Variants in FANCI observed in about 807,000 individuals in gnomAD.
FANCI encodes the protein FA complementation group I, also known as Fanconi anemia group I protein.
Under a neutral mutation model 176.1 loss-of-function variants are expected in FANCI, and 156 were observed. The observed-to-expected ratio is 0.89, with a 90% CI of 0.78 to 1.01. FANCI has a LOEUF of 1.01. Among genes scored for constraint, FANCI ranks in the 50% least tolerant of loss-of-function variants. FANCI has a pLI of 0.00. For missense variants in FANCI, 1,678 were observed against 1,534.1 expected, an observed-to-expected ratio of 1.09 and a Z score of -1.57; for synonymous variants, 613 against 541.7, an observed-to-expected ratio of 1.13 and a Z score of -1.83.
At chr15:89,277,239 A>G (rs544452918) in intron 13 of FANCI, among the ~76,000 whole-genome samples, 17 of 152,260 alleles carry the variant, frequency 1.1e-4, no homozygotes, top group African/African-American at 4.1e-4. Flanking sequence ...TCCTTTACAC[A>G]GAAGAAATTT....
chr15:89,303,776 A>T, intron 27 of FANCI, 88 bp from the exon 28 acceptor site: 1 of 1,154,938 alleles, frequency 8.7e-7, no homozygotes, highest in Non-Finnish European at 1.3e-6. Context: ...TTGCTTAGAT[A>T]TGGAAAGGTC....
rs1386513042 is a variant in FANCI, at chr15:89,285,234, G to A, written c.1821+16G>A. 1 of 1,613,858 alleles carries A rather than the reference G, an allele frequency of 6.2e-7. No individual in the cohort carries two copies. On this transcript the variant is annotated intron_variant, in intron 18 of 37. Coordinates refer to ENST00000310775, the MANE Select transcript of FANCI (RefSeq NM_001113378.2). ...GCTTTATGAGGTAAGTCCGTAGAATGGAAAGAATGTAGCAAAACCCCAACT... is the reference window on the plus strand; with the variant it reads ...GCTTTATGAGGTAAGTCCGTAGAATAGAAAGAATGTAGCAAAACCCCAACT...
chr15:89,314,844 C>T (rs375712650), intron 36 of FANCI, 137 bp downstream of exon 36: 3 of 555,600 alleles, frequency 5.4e-6, no homozygotes, highest in South Asian at 4.1e-5. Context: ...TCTCCCCCCC[C>T]CCCCCTTTTT....
Position 89,264,672 on chromosome 15 carries a change from G to A in FANCI, c.755+65G>A, listed in dbSNP as rs925077720. The A allele has an allele frequency of 3.4e-6, 5 of 1,466,940 alleles. No homozygotes were observed. In the African/African-American group the frequency reaches 7.0e-5, roughly 21 times the overall value. 90.9% of individuals were successfully genotyped at this position (1,466,940 alleles called of 1,614,324 possible). A position where few individuals can be genotyped will look rare whatever the true frequency, so the allele number is the denominator to read the frequency against. ...ATTCATCTTCTCATTGTGTATTTTAGCTATTTCATTTTCTTCTCTCTCACC... is the reference window on the plus strand; with the variant it reads ...ATTCATCTTCTCATTGTGTATTTTAACTATTTCATTTTCTTCTCTCTCACC... On this transcript the variant is annotated intron_variant, in intron 9 of 37. Coordinates refer to ENST00000310775, the MANE Select transcript of FANCI (RefSeq NM_001113378.2).
intron 12 of FANCI, among the ~76,000 whole-genome samples, chr15:89,275,068 G>A (rs895155236): frequency 2.7e-5 from 4 of 149,794 alleles, no homozygotes; most frequent in Admixed American, 1.3e-4. Context: ...CCCTGTGCCT[G>A]GCTTGGCCTT....
intron 10 of FANCI, among the ~76,000 whole-genome samples, chr15:89,268,939 A>G (rs2053090139): frequency 1.3e-5 from 2 of 152,176 alleles, no homozygotes; most frequent in Admixed American, 1.3e-4. Flanking sequence ...CTAGTAGTAT[A>G]TCGTGGAGTT....
In FANCI at chr15:89,268,503, G is replaced by C; in HGVS notation, c.860G>C (p.Arg287Thr). 2 of 1,614,196 alleles carry C rather than the reference G, an allele frequency of 1.2e-6. No homozygotes were observed. Among genetic ancestry groups the C allele is most frequent in the Non-Finnish European group, 1.7e-6 (2 of 1,180,020 alleles). ...FAIKLDYELG[R>T]ELVKHLKVGQ... is the part of the protein sequence containing the mutation. Reference sequence around the variant, plus strand: ...ATCAAATTGGACTATGAACTAGGCAGAGAACTCGTGAAACACTTAAAGGTA... The same window carrying C: ...ATCAAATTGGACTATGAACTAGGCACAGAACTCGTGAAACACTTAAAGGTA... Residue 287 changes from arginine to threonine, a missense_variant, in exon 10 of 38, where the codon AGA becomes ACA. Arg to Thr is a moderately conservative substitution (Grantham distance 71). Coordinates refer to ENST00000310775, the MANE Select transcript of FANCI (RefSeq NM_001113378.2).
chr15:89,315,207 A>G (rs1411284238), intron 36 of FANCI, 75 bp from the exon 37 acceptor site: 1 of 1,072,970 alleles, frequency 9.3e-7, no homozygotes, highest in Non-Finnish European at 1.5e-6. Flanking sequence ...CTCAGAGGTG[A>G]ACTAAAAATG....
intron 12 of FANCI, among the ~76,000 whole-genome samples, chr15:89,276,094 A>G (rs1354350828): frequency 6.6e-6 from 1 of 152,256 alleles, no homozygotes; most frequent in Admixed American, 6.5e-5. Flanking sequence ...ACAGGTAGAT[A>G]TAATGGATAA....
In FANCI at chr15:89,258,686, CT is replaced by C; in HGVS notation, c.85-13del. ...AAAGACTGTTGCCAGAGACTTGTAC[CT>C]TTTTCTTTCTTTGCAGTTGACTAAT... On this transcript the variant is annotated splice_polypyrimidine_tract_variant and intron_variant, in intron 2 of 37. Coordinates refer to ENST00000310775, the MANE Select transcript of FANCI (RefSeq NM_001113378.2). 1 of 1,605,380 alleles carries C rather than the reference CT, an allele frequency of 6.2e-7. No individual in the cohort carries two copies. Among genetic ancestry groups the C allele is most frequent in the Non-Finnish European group, 8.5e-7 (1 of 1,172,238 alleles).
Position 89,301,681 on chromosome 15 carries a change from T to G in FANCI, c.3006+239T>G, listed in dbSNP as rs77558053. Among the ~76,000 whole-genome samples the G allele has an allele frequency of 3.6e-3, 553 of 152,304 alleles. 4 individuals carry two copies. The highest frequency in any genetic ancestry group is 0.013 in the African/African-American group (532 of 41,566). On this transcript the variant is annotated intron_variant, in intron 27 of 37. Coordinates refer to ENST00000310775, the MANE Select transcript of FANCI (RefSeq NM_001113378.2). ...AAGAACATACTGCTTTTGTTTTGTTTGTTCAGGGTAGAGTGAAACACCACA... is the reference window on the plus strand; with the variant it reads ...AAGAACATACTGCTTTTGTTTTGTTGGTTCAGGGTAGAGTGAAACACCACA...
chr15:89,306,340 G>A, intron 32 of FANCI, 146 bp downstream of exon 32: 1 of 824,760 alleles, frequency 1.2e-6, no homozygotes, highest in South Asian at 1.4e-5. Context: ...TTTCATTTTA[G>A]TTTGGTCAGT....
In FANCI at chr15:89,274,599, C is replaced by CTTTTTTTTTTTT. The variant is rs1157910630; in HGVS notation, c.1112+307_1112+318dup. Among the ~76,000 whole-genome samples the CTTTTTTTTTTTT allele has an allele frequency of 3.4e-4, 28 of 82,836 alleles. 1 individual carries two copies. The highest frequency in any genetic ancestry group is 4.5e-4 in the Non-Finnish European group (21 of 46,312). The allele number at this position is 82,836 out of a possible 152,430, so 54.3% of individuals were successfully genotyped here. On this transcript the variant is annotated intron_variant, in intron 12 of 37. Coordinates refer to ENST00000310775, the MANE Select transcript of FANCI (RefSeq NM_001113378.2). ...TCTCTATTTTCCTTTTCTTTCTTTC[C>CTTTTTTTTTTTT]TTTTTTTTTTTTTTTTTTTTTTTGA...
At chr15:89,256,514 C>CCT (rs1567139747) in intron 2 of FANCI, among the ~76,000 whole-genome samples, 1 of 152,312 alleles carries the variant, frequency 6.6e-6, no homozygotes, top group East Asian at 1.9e-4. Context: ...TTCTGTGACA[C>CCT]CTCTCTCTCG....
chr15:89,267,792 T>G (rs1378510599), intron 9 of FANCI, among the ~76,000 whole-genome samples: 1 of 152,114 alleles, frequency 6.6e-6, no homozygotes, highest in Non-Finnish European at 1.5e-5. Context: ...CCGGGCATAG[T>G]GGCACATGCC....
At chr15:89,267,962 C>G (rs2053040423) in intron 9 of FANCI, among the ~76,000 whole-genome samples, 2 of 152,118 alleles carry the variant, frequency 1.3e-5, no homozygotes, top group African/African-American at 2.4e-5. Flanking sequence ...GACAGACAGA[C>G]AGGAGCAGAA....
chr15:89,316,207 T>C lies in FANCI; in HGVS notation c.3925-190T>C, dbSNP rs1307722056. The C allele has an allele frequency of 1.1e-5, 7 of 636,304 alleles. No homozygotes were observed. The South Asian group carries it at 1.3e-4, about 12-fold the overall frequency. 39.4% of individuals were successfully genotyped at this position (636,304 alleles called of 1,614,324 possible). The stretch of plus-strand genomic sequence containing the variant: ...CCTAAAAGGAGGTGCCACTGTCTTA[T>C]TACTCTACACTTTGGAGGACTCCTT... On this transcript the variant is annotated intron_variant, in intron 37 of 37. Transcript: ENST00000310775.
intron 16 of FANCI, chr15:89,282,727 G>A: frequency 4.1e-6 from 1 of 242,666 alleles, no homozygotes; most frequent in Non-Finnish European, 8.2e-6. Context: ...TTTCTGGATG[G>A]ACAGTTTACA....
intron 31 of FANCI, 51 bp from the exon 32 acceptor site, chr15:89,305,956 T>C (rs1596325540): frequency 6.3e-7 from 1 of 1,587,930 alleles, no homozygotes; most frequent in Non-Finnish European, 8.6e-7. Context: ...CCTTTACTCT[T>C]AATTAGAAAA....
Sources: gnomAD v4.1 joint callset for allele counts (sites outside exome capture counted in the v4.1 genomes callset) on GRCh38, gnomAD v4.1.1 for gene constraint, MANE v1.5 for transcripts, NCBI Gene and HGNC (gene_info 2026-07-23, HGNC 2026-07-21) for gene names.